The following LMAN2L variants were observed in gnomAD, a reference collection of about 807,000 sequenced individuals.
LMAN2L encodes lectin, mannose binding 2 like, also known as VIP36-like protein.
In LMAN2L, 30 loss-of-function variants were observed where a neutral mutation model predicts 44.3. That is an observed-to-expected ratio of 0.68 (90% confidence interval 0.51 to 0.92). LMAN2L has a LOEUF of 0.92. Ranked by LOEUF, LMAN2L falls within the 40% of genes least tolerant of loss-of-function variation. The pLI, the probability that LMAN2L is intolerant of heterozygous loss-of-function variation, is 0.00. For synonymous variants in LMAN2L, 183 were observed against 171.1 expected (o/e 1.07, Z -0.54); for missense variants, 429 against 446.1 (o/e 0.96, Z 0.35).
chr2:96,722,380 T>C (rs184454400), intron 4 of LMAN2L, among the ~76,000 whole-genome samples: 16 of 151,790 alleles, frequency 1.1e-4, no homozygotes, highest in African/African-American at 2.9e-4. Flanking sequence ...TGCAACTAGA[T>C]AGTCCCATCT....
At chr2:96,739,023 G>C (rs1427781735) in intron 1 of LMAN2L, among the ~76,000 whole-genome samples, 1 of 152,156 alleles carries the variant, frequency 6.6e-6, no homozygotes, top group East Asian at 1.9e-4. Context: ...TTACAGGCGT[G>C]AGCCACCGCC....
intron 4 of LMAN2L, among the ~76,000 whole-genome samples, chr2:96,724,269 A>C (rs937085775): frequency 6.6e-6 from 1 of 152,198 alleles, no homozygotes; most frequent in Non-Finnish European, 1.5e-5. Flanking sequence ...TGAGCATTCC[A>C]ACTTCACTGT....
At chr2:96,720,913 T>C (rs2078139098) in intron 4 of LMAN2L, among the ~76,000 whole-genome samples, 1 of 152,154 alleles carries the variant, frequency 6.6e-6, no homozygotes, top group African/African-American at 2.4e-5. Flanking sequence ...CACTCCAACC[T>C]GGGCGACAGG....
At position 96,725,494 on chromosome 2, in the gene LMAN2L, G is replaced by A. The variant is rs540915525; in HGVS notation, c.507+8025C>T. Among the ~76,000 whole-genome samples the A allele has an allele frequency of 6.0e-5, 9 of 150,358 alleles. No individual in the cohort carries two copies. In the South Asian group the frequency reaches 1.5e-3, roughly 25 times the overall value. On this transcript the variant is annotated intron_variant, in intron 4 of 7. Coordinates refer to ENST00000264963, the MANE Select transcript of LMAN2L (RefSeq NM_030805.4). ...GTCTCGTTCTGTCACCCAGGCTGGA[G>A]TGCAGTGGCGTAATCTTGGCTCACT...
intron 2 of LMAN2L, 80 bp downstream of exon 2, chr2:96,737,869 G>T: frequency 1.2e-6 from 1 of 801,834 alleles, no homozygotes; most frequent in Non-Finnish European, 2.2e-6. Flanking sequence ...GGGATAGACA[G>T]TAAAATTAAA....
At chr2:96,737,559 A>C (rs1377509242) in intron 2 of LMAN2L, among the ~76,000 whole-genome samples, 1 of 152,208 alleles carries the variant, frequency 6.6e-6, no homozygotes, top group Non-Finnish European at 1.5e-5. Flanking sequence ...AGGCTGAGGC[A>C]GGAGGAGCCC....
At position 96,739,892 on chromosome 2, in the gene LMAN2L, T is replaced by A; in HGVS notation, c.149A>T (p.Tyr50Phe). The A allele has an allele frequency of 6.2e-7, 1 of 1,614,056 alleles. No homozygotes were observed. Among genetic ancestry groups the A allele is most frequent in the African/African-American group, 1.3e-5 (1 of 75,028 alleles). The change falls in exon 1 of 8, where the codon TAC becomes TTC. Residue 50 changes from tyrosine (Y) to phenylalanine (F), a missense_variant. Tyr to Phe is a conservative substitution (Grantham distance 22). Transcript: ENST00000264963. ...QQVGAGQTFE[Y>F]LKREHSLSKP... ...CGACAGCGAGTGCTCCCGTTTCAAGTACTCGAACGTTTGACCCGCCCCGAC... is the reference window on the plus strand; with the variant it reads ...CGACAGCGAGTGCTCCCGTTTCAAGAACTCGAACGTTTGACCCGCCCCGAC...
intron 4 of LMAN2L, among the ~76,000 whole-genome samples, chr2:96,729,529 A>T (rs2078347890): frequency 6.6e-6 from 1 of 150,850 alleles, no homozygotes; most frequent in Admixed American, 6.6e-5. Flanking sequence ...TTTTTTTGAG[A>T]CAGAGTCTTG....
intron 4 of LMAN2L, among the ~76,000 whole-genome samples, chr2:96,712,370 G>A (rs993409621): frequency 9.9e-5 from 15 of 152,220 alleles, no homozygotes; most frequent in African/African-American, 2.6e-4. Context: ...TTTCCTTTTC[G>A]TGTATATGTA....
chr2:96,729,490 A>T (rs2153332529), intron 4 of LMAN2L, among the ~76,000 whole-genome samples: 1 of 152,054 alleles, frequency 6.6e-6, no homozygotes, highest in South Asian at 2.1e-4. Flanking sequence ...ATAAACAGCA[A>T]GTGATTTTAT....
intron 2 of LMAN2L, among the ~76,000 whole-genome samples, chr2:96,736,081 A>T (rs1350933304): frequency 1.3e-5 from 2 of 152,182 alleles, no homozygotes; most frequent in Admixed American, 1.3e-4. Context: ...GGTAGGTATT[A>T]TGCCCCTGGG....
intron 6 of LMAN2L, among the ~76,000 whole-genome samples, chr2:96,710,789 G>A (rs889418701): frequency 2.6e-5 from 4 of 152,134 alleles, no homozygotes; most frequent in African/African-American, 9.7e-5. Context: ...TTTCAGATGG[G>A]TATCTGCCTT....
intron 6 of LMAN2L, among the ~76,000 whole-genome samples, chr2:96,708,665 G>A (rs1198880983): frequency 1.3e-5 from 2 of 152,120 alleles, no homozygotes; most frequent in Non-Finnish European, 2.9e-5. Flanking sequence ...CGTACAACAG[G>A]AAAAGGTCTC....
intron 4 of LMAN2L, among the ~76,000 whole-genome samples, chr2:96,723,209 C>T (rs569046101): frequency 3.9e-5 from 6 of 152,324 alleles, no homozygotes; most frequent in Admixed American, 1.3e-4. Flanking sequence ...TCCTTGCCAA[C>T]ACTTCTAATC....
At position 96,711,766 on chromosome 2, in the gene LMAN2L, AT is replaced by A. The variant is rs1217779930; in HGVS notation, c.673del (p.Met225Ter). On this transcript the variant is annotated frameshift_variant, in exon 6 of 8. Transcript: ENST00000264963. LOFTEE classifies it high-confidence loss of function. Reference protein sequence around the residue: ...IRYVKRHLTIMMDIDGKHEWR... With the variant: ...IRYVKRHLTIXMDIDGKHEWR... ...CTCATGCTTGCCATCAATATCCATC[AT>A]TATCTAGAATAAAAAGAGAGATAAA... 2 of 1,613,948 alleles carry A rather than the reference AT, an allele frequency of 1.2e-6. No homozygotes were observed. Among genetic ancestry groups the A allele is most frequent in the Non-Finnish European group, 1.7e-6 (2 of 1,179,804 alleles).
At chr2:96,739,122 C>G (rs1308633507) in intron 1 of LMAN2L, among the ~76,000 whole-genome samples, 1 of 152,174 alleles carries the variant, frequency 6.6e-6, no homozygotes, top group East Asian at 1.9e-4. Context: ...AGAATGAAAA[C>G]TTTGTGTCTG....
At position 96,711,671 on chromosome 2, in the gene LMAN2L, T is replaced by G. The variant is rs2077919297; in HGVS notation, c.769A>C (p.Thr257Pro). The change falls in exon 6 of 8, where the codon ACT becomes CCT. Residue 257 changes from threonine (T) to proline (P), a missense_variant. Transcript: ENST00000264963. ...RGYYFGTSSI[T>P]GDLSDNHDVI... is the part of the protein sequence containing the mutation. ...GTGGCAGTACCTGAGAGATCCCCAG[T>G]GATGGAGGAGGTGCCGAAGTAGTAG... 1.9e-6 allele frequency: 3 copies of G among 1,612,994 alleles called. No homozygotes were observed. The highest frequency in any genetic ancestry group is 2.5e-6 in the Non-Finnish European group (3 of 1,179,434).
intron 4 of LMAN2L, among the ~76,000 whole-genome samples, chr2:96,720,665 G>A (rs1443473647): frequency 6.6e-6 from 1 of 152,072 alleles, no homozygotes; most frequent in Non-Finnish European, 1.5e-5. Flanking sequence ...ATACAGCCAG[G>A]CGCGGTGACT....
Position 96,738,035 on chromosome 2 carries a change from G to A in LMAN2L, c.220C>T (p.Leu74=). 6.2e-7 allele frequency: 1 copy of A among 1,614,032 alleles called. No homozygotes were observed. The highest frequency in any genetic ancestry group is 8.5e-7 in the Non-Finnish European group (1 of 1,179,908). ...VGTGSSSLWN[L]MGNAMVMTQY... ...GTCATCACCATGGCATTGCCCATCA[G>A]ATTCCACAGTGAGGAACTGCCTGTG... The change falls in exon 2 of 8, where the codon CTG becomes TTG. Residue 74 remains leucine (L), a synonymous_variant. Transcript: ENST00000264963.
Sources: allele counts gnomAD v4.1 joint callset (sites outside exome capture counted in the v4.1 genomes callset), GRCh38; gene constraint gnomAD v4.1.1; transcripts MANE v1.5; gene names NCBI Gene and HGNC (gene_info 2026-07-23, HGNC 2026-07-21).